DICER1: variants seen among roughly 807,000 people sequenced by gnomAD.
DICER1 encodes endoribonuclease Dicer.
Under a neutral mutation model 194.1 loss-of-function variants are expected in DICER1, and 43 were observed. The observed-to-expected ratio is 0.22, with a 90% CI of 0.17 to 0.29. DICER1 has a LOEUF of 0.29. DICER1 is among the 10% of genes least tolerant of loss of function. The probability of loss-of-function intolerance (pLI) is 1.00; values close to 1 mark genes in which losing one functional copy is unlikely to be tolerated. For missense variants in DICER1, 1,608 were observed against 2,317.0 expected, an observed-to-expected ratio of 0.69 and a Z score of 6.28; for synonymous variants, 832 against 820.5, an observed-to-expected ratio of 1.01 and a Z score of -0.24.
intron 8 of DICER1, among the ~76,000 whole-genome samples, chr14:95,123,353 A>C (rs1017940730): frequency 2.0e-5 from 3 of 152,192 alleles, no homozygotes; most frequent in Admixed American, 2.0e-4. Context: ...TGATTCACAA[A>C]ATTTTAATAT....
chr14:95,156,472 G>A (rs1021623361), intron 1 of DICER1, among the ~76,000 whole-genome samples: 4 of 152,226 alleles, frequency 2.6e-5, no homozygotes, highest in African/African-American at 9.6e-5. Context: ...AGGTTCCTAA[G>A]GACACACTCA....
At chr14:95,130,224 T>G in intron 4 of DICER1, 32 bp from the exon 5 acceptor site, 2 of 1,600,808 alleles carry the variant, frequency 1.2e-6, no homozygotes, top group Non-Finnish European at 1.7e-6. Flanking sequence ...TAAACAAACA[T>G]AGCATTCACT....
In DICER1 at chr14:95,115,327, G is replaced by A. The variant is rs17091828; in HGVS notation, c.1907+340C>T. Among the ~76,000 whole-genome samples the A allele has an allele frequency of 0.033, 4,930 of 151,566 alleles. 269 individuals are homozygous for A. Among genetic ancestry groups the A allele is most frequent in the African/African-American group, 0.11 (4,665 of 41,278 alleles). On this transcript the variant is annotated intron_variant, in intron 11 of 26. Transcript: ENST00000343455. The stretch of plus-strand genomic sequence containing the variant: ...ATCACAATCTTACTTTATTGCTAGG[G>A]GAAAATTCAACATTACCCAATGGTT...
intron 1 of DICER1, among the ~76,000 whole-genome samples, chr14:95,146,996 A>C (rs1895179136): frequency 6.6e-6 from 1 of 152,180 alleles, no homozygotes; most frequent in Non-Finnish European, 1.5e-5. Context: ...AAATTAGTTT[A>C]CCCAAAAATT....
At chr14:95,144,351 T>C (rs1895001488) in intron 1 of DICER1, among the ~76,000 whole-genome samples, 3 of 152,074 alleles carry the variant, frequency 2.0e-5, no homozygotes, top group Admixed American at 2.0e-4. Context: ...TTAAAAATTA[T>C]CTTAATGCCA....
At chr14:95,122,206 C>T (rs1371166551) in intron 8 of DICER1, among the ~76,000 whole-genome samples, 4 of 152,164 alleles carry the variant, frequency 2.6e-5, no homozygotes, top group African/African-American at 7.2e-5. Flanking sequence ...AAGTAACCGA[C>T]TGATTCTGGA....
At chr14:95,093,450 A>G (rs1035971747) in intron 24 of DICER1, among the ~76,000 whole-genome samples, 12 of 152,234 alleles carry the variant, frequency 7.9e-5, no homozygotes, top group African/African-American at 2.9e-4. Context: ...TTCCCACTTC[A>G]AGTAGAAGCA....
intron 24 of DICER1, 134 bp from the exon 25 acceptor site, chr14:95,091,499 C>A: frequency 1.2e-6 from 1 of 806,240 alleles, no homozygotes; most frequent in Non-Finnish European, 2.1e-6. Flanking sequence ...TTATGGTATG[C>A]CTACTATATT....
rs751922783 is a variant in DICER1 at position 95,107,562 on chromosome 14, TA to T, written c.2804+45del. 3.5e-5 allele frequency: 57 copies of T among 1,607,656 alleles called. No homozygotes were observed. In the African/African-American group the frequency reaches 7.2e-4, roughly 20 times the overall value. ...ACCGTGCCCGACCTAGTGCATCTTT[TA>T]AAACAAAGTATCACCACCATTTTCC... On this transcript the variant is annotated intron_variant, in intron 17 of 26. Coordinates refer to ENST00000343455, the MANE Select transcript of DICER1 (RefSeq NM_177438.3).
rs1889739416 is a variant in DICER1 at position 95,090,852 on chromosome 14, C to T, written c.5603+182G>A. On this transcript the variant is annotated intron_variant, in intron 26 of 26. Coordinates refer to ENST00000343455, the MANE Select transcript of DICER1 (RefSeq NM_177438.3). ...CAGGGCTGCCGTCTAGTCTTTATTA[C>T]AGCATTATTTCATAAAAACAGAAGG... 6 of 944,072 alleles carry T rather than the reference C, an allele frequency of 6.4e-6. No individual in the cohort carries two copies. In the Admixed American group the frequency reaches 6.4e-5, roughly 10 times the overall value. 58.5% of individuals were successfully genotyped at this position (944,072 alleles called of 1,614,324 possible). A position where few individuals can be genotyped will look rare whatever the true frequency, so the allele number is the denominator to read the frequency against.
Position 95,090,075 on chromosome 14 carries a change from C to T in DICER1, c.*423G>A, listed in dbSNP as rs1595308480. ...CTACTGCAGGACTGGCACTACTGCACACACGGAGAGATGGAGAAGAATCTA... is the reference window on the plus strand; with the variant it reads ...CTACTGCAGGACTGGCACTACTGCATACACGGAGAGATGGAGAAGAATCTA... On this transcript the variant is annotated 3_prime_UTR_variant, in exon 27 of 27. Coordinates refer to ENST00000343455, the MANE Select transcript of DICER1 (RefSeq NM_177438.3). The T allele has an allele frequency of 5.6e-6, 2 of 356,168 alleles. No individual in the cohort carries two copies. The highest frequency in any genetic ancestry group is 3.5e-5 in the South Asian group (1 of 28,874). The allele number at this position is 356,168 out of a possible 1,614,324, so 22.1% of individuals were successfully genotyped here. A position where few individuals can be genotyped will look rare whatever the true frequency, so the allele number is the denominator to read the frequency against.
chr14:95,113,309 C>T, intron 11 of DICER1, 85 bp from the exon 12 acceptor site: 2 of 1,259,208 alleles, frequency 1.6e-6, no homozygotes, highest in Non-Finnish European at 2.3e-6. Flanking sequence ...TTGTCATGTG[C>T]CTCTTCCCCT....
intron 20 of DICER1, among the ~76,000 whole-genome samples, chr14:95,104,489 C>T (rs970955792): frequency 1.3e-5 from 2 of 152,196 alleles, no homozygotes; most frequent in African/African-American, 4.8e-5. Context: ...AGCTTCTGCA[C>T]CTGAGAAAAG....
intron 6 of DICER1, among the ~76,000 whole-genome samples, chr14:95,127,401 T>G (rs1157306593): frequency 6.6e-6 from 1 of 152,224 alleles, no homozygotes. Context: ...TCTGAAAGGC[T>G]TGGGACCTGA....
At chr14:95,131,458 A>G (rs540921280) in intron 4 of DICER1, 51 bp downstream of exon 4, 1 of 1,571,446 alleles carries the variant, frequency 6.4e-7, no homozygotes, top group Non-Finnish European at 8.8e-7. Flanking sequence ...TTACAAACCA[A>G]GTCAAGAACT....
intron 1 of DICER1, among the ~76,000 whole-genome samples, chr14:95,156,078 A>G (rs1193909981): frequency 6.6e-6 from 1 of 152,218 alleles, no homozygotes; most frequent in Non-Finnish European, 1.5e-5. Context: ...GTGAGGATGT[A>G]TATTTTTATT....
intron 12 of DICER1, 81 bp from the exon 13 acceptor site, chr14:95,112,328 G>T: frequency 9.0e-7 from 1 of 1,115,872 alleles, no homozygotes; most frequent in Non-Finnish European, 1.4e-6. Context: ...TGAAACCACT[G>T]CCCCAACATT....
At chr14:95,111,484 C>A in intron 13 of DICER1, 28 bp from the exon 14 acceptor site, 2 of 1,613,006 alleles carry the variant, frequency 1.2e-6, no homozygotes, top group Middle Eastern at 1.7e-4. Context: ...AGAATTAACA[C>A]AATCCAGATT....
At chr14:95,148,298 C>T (rs1895275812) in intron 1 of DICER1, among the ~76,000 whole-genome samples, 1 of 152,134 alleles carries the variant, frequency 6.6e-6, no homozygotes, top group South Asian at 2.1e-4. Context: ...GAGTCCAAAC[C>T]TCTAATCATG....
Sources: gnomAD v4.1 joint callset for allele counts (sites outside exome capture counted in the v4.1 genomes callset) on GRCh38, gnomAD v4.1.1 for gene constraint, MANE v1.5 for transcripts, NCBI Gene and HGNC (gene_info 2026-07-23, HGNC 2026-07-21) for gene names.